DARS2: variants seen among roughly 807,000 people sequenced by gnomAD.
DARS2 encodes the protein aspartyl-tRNA synthetase 2, mitochondrial, also known as aspartate--tRNA ligase, mitochondrial.
In DARS2, 63 loss-of-function variants were observed where a neutral mutation model predicts 83.0. The observed-to-expected ratio is 0.76, with a 90% confidence interval of 0.62 to 0.94. The LOEUF is 0.94. Ranked by LOEUF, DARS2 falls within the 40% of genes least tolerant of loss-of-function variation. The pLI is 0.00. For synonymous variants in DARS2, 250 were observed against 269.3 expected (o/e 0.93, Z 0.70); for missense variants, 675 against 774.4 (o/e 0.87, Z 1.52).
intron 2 of DARS2, among the ~76,000 whole-genome samples, chr1:173,827,861 CTTT>C (rs1652642680): frequency 6.6e-6 from 1 of 152,014 alleles, no homozygotes; most frequent in Admixed American, 6.6e-5. Flanking sequence ...TAGATTGTAT[CTTT>C]TTTTAGAAAA....
rs550545818 is a variant in DARS2, at chr1:173,857,600, T to C, written c.1833T>C (p.His611=). Residue 611 remains histidine, a synonymous_variant, in exon 17 of 17, where the codon CAT becomes CAC. Transcript: ENST00000649689. ...VIAFPKSFRG[H]DLMSNTPDSV... is the part of the protein sequence containing the mutation. ...CCTTCCCAAAGTCCTTCCGGGGACA[T>C]GACCTCATGAGCAATACCCCAGATT... 2.5e-6 allele frequency: 4 copies of C among 1,614,222 alleles called. No homozygotes were observed. The highest frequency in any genetic ancestry group is 2.7e-5 in the African/African-American group (2 of 75,062).
At chr1:173,841,603 A>C (rs995283002) in intron 11 of DARS2, among the ~76,000 whole-genome samples, 4 of 151,942 alleles carry the variant, frequency 2.6e-5, no homozygotes, top group Non-Finnish European at 4.4e-5. Flanking sequence ...GCTTAAGCTC[A>C]GGAGTTCGAG....
rs534878283 is a variant in DARS2 at position 173,828,459 on chromosome 1, C to G, written c.294+60C>G. 35 of 1,451,594 alleles carry G rather than the reference C, an allele frequency of 2.4e-5. No individual in the cohort carries two copies. The African/African-American group carries it at 4.2e-4, about 18-fold the overall frequency. The allele number at this position is 1,451,594 out of a possible 1,614,324, so 89.9% of individuals were successfully genotyped here. A position where few individuals can be genotyped will look rare whatever the true frequency, so the allele number is the denominator to read the frequency against. ...TCTTTGATGCTATTGCTGGGGTAAG[C>G]TAAGTAGTTAGATGAATATGTTAGA... On this transcript the variant is annotated intron_variant, in intron 3 of 16. Coordinates refer to ENST00000649689, the MANE Select transcript of DARS2 (RefSeq NM_018122.5).
intron 7 of DARS2, 74 bp from the exon 8 acceptor site, chr1:173,836,866 C>A: frequency 8.4e-7 from 1 of 1,187,468 alleles, no homozygotes; most frequent in East Asian, 2.3e-5. Flanking sequence ...ACAACTTCTA[C>A]TAGTTAGTTA....
chr1:173,840,344 T>C (rs1653158919), intron 10 of DARS2, among the ~76,000 whole-genome samples: 1 of 152,206 alleles, frequency 6.6e-6, no homozygotes, highest in Admixed American at 6.5e-5. Flanking sequence ...GTTCAAGCGA[T>C]TCTCCTGCCT....
chr1:173,838,063 A>G (rs1175922782), intron 8 of DARS2, 127 bp from the exon 9 acceptor site: 8 of 777,828 alleles, frequency 1.0e-5, no homozygotes, highest in Non-Finnish European at 1.5e-5. Context: ...ATGAGCCGCC[A>G]TGCCCGGCCC....
At chr1:173,825,485 T>G in intron 1 of DARS2, 129 bp downstream of exon 1, 2 of 555,998 alleles carry the variant, frequency 3.6e-6, no homozygotes, top group South Asian at 7.6e-5. Context: ...TTATTATTAT[T>G]TGAGACGGAG....
chr1:173,824,875 CT>C lies in DARS2; in HGVS notation c.-353del, dbSNP rs1652405156. On this transcript the variant is annotated 5_prime_UTR_variant, in exon 1 of 17. Transcript: ENST00000649689. ...GTGGAAAGAGGAGAAGGGCGTATAC[CT>C]TGTGACCGCCTCTGGTTGTCTTGGG... is the stretch of plus-strand genomic sequence containing the variant. 1 of 344,206 alleles carries C rather than the reference CT, an allele frequency of 2.9e-6. No individual in the cohort carries two copies. Among genetic ancestry groups the C allele is most frequent in the Admixed American group, 3.9e-5 (1 of 25,320 alleles). 21.3% of individuals were successfully genotyped at this position (344,206 alleles called of 1,614,324 possible). A position where few individuals can be genotyped will look rare whatever the true frequency, so the allele number is the denominator to read the frequency against.
chr1:173,843,123 G>A (rs972641262), intron 11 of DARS2, among the ~76,000 whole-genome samples: 22 of 151,594 alleles, frequency 1.5e-4, no homozygotes, highest in Non-Finnish European at 2.6e-4. Flanking sequence ...TATACCTTCC[G>A]TACCTAGTTA....
intron 11 of DARS2, among the ~76,000 whole-genome samples, 167 bp downstream of exon 11, chr1:173,841,140 C>T (rs1022106653): frequency 4.6e-5 from 7 of 151,660 alleles, no homozygotes; most frequent in Middle Eastern, 3.2e-3. Context: ...TTTGGGAGGC[C>T]GAGGCGTGTG....
rs938229667 is a variant in DARS2 at position 173,857,636 on chromosome 1, T to G, written c.1869T>G (p.Pro623=). 6.2e-7 allele frequency: 1 copy of G among 1,614,168 alleles called. No individual in the cohort carries two copies. The highest frequency in any genetic ancestry group is 8.5e-7 in the Non-Finnish European group (1 of 1,180,008). ...GCAATACCCCAGATTCTGTCCCTCCTGAGGAACTGAAGCCCTATCATATCC... is the reference window on the plus strand; with the variant it reads ...GCAATACCCCAGATTCTGTCCCTCCGGAGGAACTGAAGCCCTATCATATCC... The part of the protein sequence containing the change: ...LMSNTPDSVP[P]EELKPYHIRV... Residue 623 remains proline (P), a synonymous_variant, in exon 17 of 17, where the codon CCT becomes CCG. Coordinates refer to ENST00000649689, the MANE Select transcript of DARS2 (RefSeq NM_018122.5).
chr1:173,826,742 C>T lies in DARS2; in HGVS notation c.183C>T (p.His61=). ...CATGTGGAGAGTTGCGTTCGTCTCA[C>T]TTAGGCCAAGAAGTCACCTTGTGTG... ...TNTCGELRSS[H]LGQEVTLCGW... is the part of the protein sequence containing the mutation. The change falls in exon 2 of 17, where the codon CAC becomes CAT. Residue 61 remains histidine (H), a synonymous_variant. Coordinates refer to ENST00000649689, the MANE Select transcript of DARS2 (RefSeq NM_018122.5). 1 of 1,612,182 alleles carries T rather than the reference C, an allele frequency of 6.2e-7. No individual in the cohort carries two copies.
chr1:173,832,293 G>T (rs990377686), intron 5 of DARS2, among the ~76,000 whole-genome samples: 2 of 151,870 alleles, frequency 1.3e-5, no homozygotes, highest in African/African-American at 4.8e-5. Flanking sequence ...TGGCCAATTG[G>T]TCTTACATTT....
intron 7 of DARS2, among the ~76,000 whole-genome samples, chr1:173,835,311 G>A (rs1429799308): frequency 3.3e-5 from 5 of 150,856 alleles, no homozygotes; most frequent in South Asian, 4.2e-4. Flanking sequence ...AGCTGGTCTC[G>A]AAATCCTGAC....
At chr1:173,850,295 A>C (rs748962635) in intron 12 of DARS2, 32 bp from the exon 13 acceptor site, 1 of 1,577,376 alleles carries the variant, frequency 6.3e-7, no homozygotes, top group Non-Finnish European at 8.6e-7. Flanking sequence ...AAAAAAAAAA[A>C]AAACGTGAAT....
In DARS2 at chr1:173,833,463, G is replaced by A. The variant is rs186723843; in HGVS notation, c.580G>A (p.Val194Ile). Residue 194 changes from valine to isoleucine, a missense_variant, in exon 6 of 17, where the codon GTC becomes ATC. Transcript: ENST00000649689. The part of the protein sequence containing the change: ...QYNLRLRSQM[V>I]MKMREYLCNL... ...TAACCTGCGACTGAGGTCCCAGATGGTCATGAAAATGCGGGAATATCTCTG... is the reference window on the plus strand; with the variant it reads ...TAACCTGCGACTGAGGTCCCAGATGATCATGAAAATGCGGGAATATCTCTG... The A allele has an allele frequency of 3.5e-4, 563 of 1,614,134 alleles. 1 individual carries two copies. The East Asian group carries it at 9.2e-3, about 26-fold the overall frequency.
At position 173,845,050 on chromosome 1, in the gene DARS2, C is replaced by T. The variant is rs577461210; in HGVS notation, c.1129-179C>T. Among the ~76,000 whole-genome samples the T allele has an allele frequency of 1.9e-3, 291 of 152,142 alleles. 1 individual carries two copies. The highest frequency in any genetic ancestry group is 6.6e-3 in the African/African-American group (274 of 41,516). The stretch of plus-strand genomic sequence containing the variant: ...TTTCAAGCAGTCCACCCGCCTCAGC[C>T]TCCCAAAGTGCTGGGATTACAGGCA... On this transcript the variant is annotated intron_variant, in intron 11 of 16. Transcript: ENST00000649689.
chr1:173,855,105 CT>C (rs11367999), intron 15 of DARS2, among the ~76,000 whole-genome samples: 42,547 of 142,694 alleles, frequency 0.3, 6,307 homozygotes, highest in African/African-American at 0.43. Context: ...AATCTGTTAA[CT>C]TTTTTTTTTT....
Position 173,828,126 on chromosome 1 carries a change from G to A in DARS2, c.228-207G>A, listed in dbSNP as rs571821912. On this transcript the variant is annotated intron_variant, in intron 2 of 16. Coordinates refer to ENST00000649689, the MANE Select transcript of DARS2 (RefSeq NM_018122.5). The stretch of plus-strand genomic sequence containing the variant: ...TGAAATAAAAAACAATCTTTTTTTT[G>A]GCAATGAGCTACATAGATAACAATT... Among the ~76,000 whole-genome samples the A allele has an allele frequency of 8.1e-4, 122 of 151,198 alleles. 5 individuals carry two copies. In the South Asian group the frequency reaches 0.024, roughly 29 times the overall value.
Sources: gnomAD v4.1 joint callset for allele counts (sites outside exome capture counted in the v4.1 genomes callset) on GRCh38, gnomAD v4.1.1 for gene constraint, MANE v1.5 for transcripts, NCBI Gene and HGNC (gene_info 2026-07-23, HGNC 2026-07-21) for gene names.